Variants in KIAA0586 observed in about 807,000 individuals in gnomAD.
KIAA0586 encodes the protein protein TALPID3.
A neutral mutation model predicts 169.8 loss-of-function variants in KIAA0586; 144 were observed. The observed-to-expected ratio is 0.85, with a 90% CI of 0.74 to 0.97. The LOEUF (loss-of-function observed/expected upper bound fraction) is 0.97, where lower values mean the gene tolerates loss of function less well. Ranked by LOEUF, KIAA0586 falls within the 50% of genes least tolerant of loss-of-function variation. KIAA0586 has a pLI of 0.00. For synonymous variants in KIAA0586, 625 were observed against 612.4 expected, an observed-to-expected ratio of 1.02 and a Z score of -0.30; for missense variants, 1,854 against 1,823.0, an observed-to-expected ratio of 1.02 and a Z score of -0.31.
chr14:58,448,566 C>A, intron 7 of KIAA0586, 73 bp downstream of exon 7: 2 of 1,101,550 alleles, frequency 1.8e-6, no homozygotes, highest in Non-Finnish European at 2.5e-6. Context: ...AAGCTGAAAA[C>A]ATATTTCCTG....
chr14:58,474,654 G>A lies in KIAA0586; in HGVS notation c.2682G>A (p.Glu894=), dbSNP rs1364899312. 6.2e-7 allele frequency: 1 copy of A among 1,603,938 alleles called. No homozygotes were observed. Among genetic ancestry groups the A allele is most frequent in the Non-Finnish European group, 8.5e-7 (1 of 1,177,230 alleles). The part of the protein sequence containing the change: ...DEIPDSEPIL[E]FNRSVKADST... ...TTCCAGACTCTGAACCAATTCTGGAGTTTAACAGAAGTGTTAAAGCTGATT... is the reference window on the plus strand; with the variant it reads ...TTCCAGACTCTGAACCAATTCTGGAATTTAACAGAAGTGTTAAAGCTGATT... Residue 894 remains glutamate (E), a synonymous_variant, in exon 19 of 31, where the codon GAG becomes GAA. Transcript: ENST00000652326.
At chr14:58,442,936 C>G (rs1595110639) in intron 5 of KIAA0586, 56 bp downstream of exon 5, 3 of 1,235,146 alleles carry the variant, frequency 2.4e-6, no homozygotes, top group Non-Finnish European at 3.4e-6. Context: ...GAAGTACTTA[C>G]TAAGAACTGA....
intron 27 of KIAA0586, among the ~76,000 whole-genome samples, chr14:58,507,304 TTA>T (rs1474535478): frequency 2.0e-5 from 3 of 147,218 alleles, no homozygotes; most frequent in Non-Finnish European, 4.5e-5. Flanking sequence ...TGTGTATGAT[TTA>T]TATATCATAT....
intron 21 of KIAA0586, among the ~76,000 whole-genome samples, chr14:58,484,927 T>TATATATA (rs1566877437): frequency 2.7e-5 from 1 of 37,664 alleles, no homozygotes; most frequent in Non-Finnish European, 5.1e-5. Flanking sequence ...TATATATATT[T>TATATATA]TTTTTTTTTT....
chr14:58,457,953 G>C lies in KIAA0586; in HGVS notation c.1557G>C (p.Ser519=). The C allele has an allele frequency of 6.3e-7, 1 of 1,593,896 alleles. No homozygotes were observed. Among genetic ancestry groups the C allele is most frequent in the South Asian group, 1.1e-5 (1 of 87,744 alleles). ...CAAAAGATGGAGCTGCCATGTATTC[G>C]CTTATCAATGCTTTATCTACCAACA... is the stretch of plus-strand genomic sequence containing the variant. The part of the protein sequence containing the change: ...IRAKDGAAMY[S]LINALSTNRE... Residue 519 remains serine (S), a synonymous_variant, in exon 11 of 31, where the codon TCG becomes TCC. Transcript: ENST00000652326.
Position 58,487,879 on chromosome 14 carries a change from A to AAT in KIAA0586, c.3305-8_3305-7insAT, listed in dbSNP as rs397781261. The AAT allele has an allele frequency of 6.3e-7, 1 of 1,599,390 alleles. No homozygotes were observed. The highest frequency in any genetic ancestry group is 8.5e-7 in the Non-Finnish European group (1 of 1,172,638). ...TCTTTTTCTGTCCTTTTAAAAAAAA[A>AAT]CCTTTAGGAGATGATATGCCTGCCA... On this transcript the variant is annotated splice_region_variant and splice_polypyrimidine_tract_variant and intron_variant, in intron 22 of 30. Coordinates refer to ENST00000652326, the MANE Select transcript of KIAA0586 (RefSeq NM_001329943.3).
At chr14:58,512,151 T>G (rs1450721443) in intron 28 of KIAA0586, among the ~76,000 whole-genome samples, 1 of 152,156 alleles carries the variant, frequency 6.6e-6, no homozygotes, top group Non-Finnish European at 1.5e-5. Context: ...CAAAAAGTGG[T>G]TATATGGAAG....
Position 58,488,716 on chromosome 14 carries a change from C to T in KIAA0586, c.3623C>T (p.Ala1208Val). The change falls in exon 24 of 31, where the codon GCC (alanine) becomes GTC (valine). Residue 1208 changes from alanine to valine, a missense_variant. By Grantham distance (64) the Ala-to-Val change is moderately conservative. Transcript: ENST00000652326. ...CCAGTTCCCTTTATGCCATTTCCTG[C>T]CGGCACCAAGGCCCCTTCCCCCTCA... ...PEPVPFMPFP[A>V]GTKAPSPSQM... 1 of 1,613,896 alleles carries T rather than the reference C, an allele frequency of 6.2e-7. No homozygotes were observed.
chr14:58,500,349 G>A (rs953521466), intron 27 of KIAA0586, among the ~76,000 whole-genome samples: 2 of 152,176 alleles, frequency 1.3e-5, no homozygotes, highest in Non-Finnish European at 2.9e-5. Context: ...ACTTGTGCCT[G>A]AAGGAAGCCT....
At chr14:58,482,859 G>A (rs1289313085) in intron 21 of KIAA0586, 147 bp downstream of exon 21, 2 of 573,516 alleles carry the variant, frequency 3.5e-6, no homozygotes, top group Non-Finnish European at 5.4e-6. Flanking sequence ...TGGTCTTGAA[G>A]TTCTGGGCTT....
intron 21 of KIAA0586, among the ~76,000 whole-genome samples, chr14:58,484,924 A>ATATTTTTT: frequency 3.8e-4 from 5 of 13,052 alleles, no homozygotes; most frequent in Admixed American, 1.7e-3. Flanking sequence ...ATATATATAT[A>ATATTTTTT]TTTTTTTTTT....
chr14:58,536,848 A>G (rs1451528970), intron 29 of KIAA0586, among the ~76,000 whole-genome samples: 1 of 152,178 alleles, frequency 6.6e-6, no homozygotes, highest in Non-Finnish European at 1.5e-5. Context: ...AGATAAAAAT[A>G]TAAATTATAT....
At chr14:58,517,246 C>T (rs967780126) in intron 29 of KIAA0586, among the ~76,000 whole-genome samples, 1 of 151,804 alleles carries the variant, frequency 6.6e-6, no homozygotes, top group Non-Finnish European at 1.5e-5. Context: ...GCAGTTATGT[C>T]CAGAATATAT....
chr14:58,531,878 C>A (rs2045990793), intron 29 of KIAA0586, among the ~76,000 whole-genome samples: 1 of 152,112 alleles, frequency 6.6e-6, no homozygotes, highest in Admixed American at 6.5e-5. Flanking sequence ...AGTTCATGTC[C>A]TTTGCAGGGA....
Position 58,428,037 on chromosome 14 carries a change from A to G in KIAA0586, c.-228A>G, listed in dbSNP as rs978797349. 2 of 1,430,402 alleles carry G rather than the reference A, an allele frequency of 1.4e-6. No individual in the cohort carries two copies. Among genetic ancestry groups the G allele is most frequent in the Admixed American group, 5.9e-5 (2 of 33,986 alleles). 88.6% of individuals were successfully genotyped at this position (1,430,402 alleles called of 1,614,324 possible). On this transcript the variant is annotated 5_prime_UTR_variant, in exon 1 of 31. Transcript: ENST00000652326. ...ATTCTCTTGTCATCCCCACTTTCAC[A>G]TTTTGGCGTGGTGTATTAATAGACT...
chr14:58,484,912 A>T (rs867914724), intron 21 of KIAA0586, among the ~76,000 whole-genome samples: 16 of 14,294 alleles, frequency 1.1e-3, no homozygotes, highest in Non-Finnish European at 1.3e-3. Flanking sequence ...ATATATATAT[A>T]TATATATATA....
chr14:58,479,305 T>A (rs2041871036), intron 20 of KIAA0586, among the ~76,000 whole-genome samples: 1 of 152,238 alleles, frequency 6.6e-6, no homozygotes, highest in African/African-American at 2.4e-5. Flanking sequence ...TGTGTTTATT[T>A]GCCATCTGTA....
intron 3 of KIAA0586, among the ~76,000 whole-genome samples, chr14:58,432,082 C>G (rs1240463734): frequency 6.6e-6 from 1 of 152,070 alleles, no homozygotes; most frequent in African/African-American, 2.4e-5. Context: ...TCTGATTGCT[C>G]TGGCTGGGAC....
chr14:58,449,014 A>G (rs1359623493), intron 7 of KIAA0586, among the ~76,000 whole-genome samples: 1 of 152,196 alleles, frequency 6.6e-6, no homozygotes, highest in African/African-American at 2.4e-5. Flanking sequence ...TATAATAACA[A>G]AGGAATACAT....
Sources: gnomAD v4.1 joint callset for allele counts (sites outside exome capture counted in the v4.1 genomes callset) on GRCh38, gnomAD v4.1.1 for gene constraint, MANE v1.5 for transcripts, NCBI Gene and HGNC (gene_info 2026-07-23, HGNC 2026-07-21) for gene names.